XPO4: variants seen among roughly 807,000 people sequenced by gnomAD.
XPO4 encodes the protein exportin-4.
A neutral mutation model predicts 143.0 loss-of-function variants in XPO4; 39 were observed. The observed-to-expected ratio is 0.27, with a 90% CI of 0.21 to 0.36. The LOEUF (loss-of-function observed/expected upper bound fraction) is 0.36. Ranked by LOEUF, XPO4 falls within the 10% of genes least tolerant of loss-of-function variation. The pLI, the probability that XPO4 is intolerant of heterozygous loss-of-function variation, is 1.00. For missense variants in XPO4, 907 were observed against 1,348.0 expected (o/e 0.67, Z 5.12); for synonymous variants, 439 against 474.0 (o/e 0.93, Z 0.96).
At chr13:20,824,055 T>G (rs1326949546) in intron 7 of XPO4, among the ~76,000 whole-genome samples, 1 of 152,270 alleles carries the variant, frequency 6.6e-6, no homozygotes, top group African/African-American at 2.4e-5. Context: ...CAGTGTTGAA[T>G]ATGAACATAT....
At chr13:20,902,639 T>C in intron 1 of XPO4, 31 bp downstream of exon 1, 1 of 1,531,532 alleles carries the variant, frequency 6.5e-7, no homozygotes, top group Non-Finnish European at 8.8e-7. Context: ...GGCCCGCGAA[T>C]CCCGGGGTCT....
At position 20,796,229 on chromosome 13, in the gene XPO4, A is replaced by C. The variant is rs2059356186; in HGVS notation, c.2644T>G (p.Cys882Gly). The change falls in exon 18 of 23, where the codon TGC (cysteine) becomes GGC (glycine). Residue 882 changes from cysteine to glycine, a missense_variant. Coordinates refer to ENST00000255305, the MANE Select transcript of XPO4 (RefSeq NM_022459.5). ...GAATACACTTGCAACAAAGTAAGGC[A>C]GGCTTCATATAAGTTCATAGCTTTG... ...ESKAMNLYEA[C>G]LTLLQVYSKN... 1 of 1,611,664 alleles carries C rather than the reference A, an allele frequency of 6.2e-7. No individual in the cohort carries two copies. The highest frequency in any genetic ancestry group is 1.3e-5 in the African/African-American group (1 of 74,754).
intron 1 of XPO4, among the ~76,000 whole-genome samples, chr13:20,878,467 GTA>G (rs1189057077): frequency 2.0e-5 from 3 of 152,128 alleles, no homozygotes; most frequent in African/African-American, 7.2e-5. Flanking sequence ...ATACATTGCA[GTA>G]TAGTCATACA....
chr13:20,825,620 T>C (rs1421694638), intron 7 of XPO4, among the ~76,000 whole-genome samples: 3 of 152,222 alleles, frequency 2.0e-5, no homozygotes, highest in African/African-American at 4.8e-5. Flanking sequence ...TTTCCAGTAC[T>C]GCCAGCAAGT....
intron 1 of XPO4, among the ~76,000 whole-genome samples, chr13:20,869,021 CT>C (rs957512823): frequency 2.2e-4 from 33 of 152,044 alleles, no homozygotes; most frequent in Non-Finnish European, 4.3e-4. Context: ...TTATTATCAC[CT>C]TTTATTCCAA....
chr13:20,822,688 A>C (rs903938942), intron 7 of XPO4, among the ~76,000 whole-genome samples: 1 of 152,228 alleles, frequency 6.6e-6, no homozygotes, highest in Non-Finnish European at 1.5e-5. Flanking sequence ...AAGAGTATAT[A>C]GATGCTGCTT....
At chr13:20,838,219 ATC>A (rs1256613221) in intron 6 of XPO4, among the ~76,000 whole-genome samples, 2 of 152,266 alleles carry the variant, frequency 1.3e-5, no homozygotes, top group Non-Finnish European at 2.9e-5. Flanking sequence ...TTTTGTCAGT[ATC>A]TCTCTATGCA....
intron 7 of XPO4, among the ~76,000 whole-genome samples, chr13:20,826,711 G>A (rs1595101366): frequency 6.6e-6 from 1 of 152,218 alleles, no homozygotes; most frequent in East Asian, 1.9e-4. Context: ...GTTTCTTACT[G>A]TTACTTTTTA....
Position 20,902,465 on chromosome 13 carries a change from G to A in XPO4, c.69+205C>T, listed in dbSNP as rs547601999. ...CTGGGGTGCTGGGCAGCCAGGGGAA[G>A]GGGACAGCTCCTGGAAGGAGGGGAC... is the stretch of plus-strand genomic sequence containing the variant. On this transcript the variant is annotated intron_variant, in intron 1 of 22. Transcript: ENST00000255305. The A allele has an allele frequency of 8.9e-5, 88 of 985,444 alleles. No individual in the cohort carries two copies. In the East Asian group the frequency reaches 9.3e-3, roughly 104 times the overall value. 61.0% of individuals were successfully genotyped at this position (985,444 alleles called of 1,614,324 possible).
chr13:20,786,898 TC>T, intron 22 of XPO4, 66 bp downstream of exon 22: 2 of 1,332,476 alleles, frequency 1.5e-6, no homozygotes, highest in Non-Finnish European at 2.1e-6. Flanking sequence ...TGACCCACCA[TC>T]TATCTCAACA....
chr13:20,855,891 G>A, intron 3 of XPO4, 126 bp from the exon 4 acceptor site: 1 of 1,020,214 alleles, frequency 9.8e-7, no homozygotes, highest in Non-Finnish European at 1.4e-6. Context: ...GAGCCAAAGG[G>A]TTATGTACAG....
intron 7 of XPO4, among the ~76,000 whole-genome samples, chr13:20,824,164 T>C (rs1277846698): frequency 2.6e-5 from 4 of 152,366 alleles, no homozygotes; most frequent in South Asian, 4.1e-4. Flanking sequence ...TATATTCCAA[T>C]GTATTTTAAG....
At chr13:20,893,449 G>C (rs868056144) in intron 1 of XPO4, among the ~76,000 whole-genome samples, 17 of 151,958 alleles carry the variant, frequency 1.1e-4, no homozygotes, top group African/African-American at 4.1e-4. Flanking sequence ...AATGAAACAC[G>C]GTCTCCATGG....
At chr13:20,807,717 T>C in intron 12 of XPO4, 83 bp from the exon 13 acceptor site, 1 of 1,039,988 alleles carries the variant, frequency 9.6e-7, no homozygotes. Flanking sequence ...CAGTTTGATT[T>C]ATATACATCA....
At chr13:20,818,317 T>C (rs2059675712) in intron 9 of XPO4, among the ~76,000 whole-genome samples, 1 of 152,166 alleles carries the variant, frequency 6.6e-6, no homozygotes, top group African/African-American at 2.4e-5. Flanking sequence ...TACTCATAAA[T>C]ATGTCTCTTC....
rs193299894 is a variant in XPO4 at position 20,826,518 on chromosome 13, C to T, written c.840+549G>A. On this transcript the variant is annotated intron_variant, in intron 7 of 22. Transcript: ENST00000255305. ...GGTAAAAAGTGGAATTTCCCCGAGG[C>T]CACACGATGTGCGATACTGCAACTA... Among the ~76,000 whole-genome samples the T allele has an allele frequency of 2.6e-5, 4 of 152,286 alleles. No homozygotes were observed. The East Asian group carries it at 7.7e-4, about 29-fold the overall frequency.
intron 1 of XPO4, among the ~76,000 whole-genome samples, chr13:20,878,850 ATT>A (rs2060379410): frequency 6.6e-6 from 1 of 152,190 alleles, no homozygotes; most frequent in South Asian, 2.1e-4. Context: ...TATGAATGTA[ATT>A]TATATTACTG....
chr13:20,785,968 GAAAAA>G (rs1301302448), intron 22 of XPO4, among the ~76,000 whole-genome samples: 1 of 111,992 alleles, frequency 8.9e-6, no homozygotes, highest in Admixed American at 1.0e-4. Flanking sequence ...AAAAAGAAAA[GAAAAA>G]GAGAGGAAGG....
At chr13:20,807,208 T>C (rs2059519625) in intron 13 of XPO4, among the ~76,000 whole-genome samples, 2 of 152,190 alleles carry the variant, frequency 1.3e-5, no homozygotes, top group African/African-American at 2.4e-5. Context: ...CCAAGTCTCA[T>C]TGTATTCAGA....
Sources: gnomAD v4.1 joint callset for allele counts (sites outside exome capture counted in the v4.1 genomes callset) on GRCh38, gnomAD v4.1.1 for gene constraint, MANE v1.5 for transcripts, NCBI Gene and HGNC (gene_info 2026-07-23, HGNC 2026-07-21) for gene names.